PDE8B: variants seen among roughly 807,000 people sequenced by gnomAD.
The protein encoded by PDE8B is phosphodiesterase 8B, also known as high affinity cAMP-specific and IBMX-insensitive 3',5'-cyclic phosphodiesterase 8B.
PDE8B carries 26 observed loss-of-function variants against 101.3 expected under a neutral mutation model. The observed-to-expected ratio is 0.26, with a 90% confidence interval of 0.19 to 0.36. The LOEUF (loss-of-function observed/expected upper bound fraction) is 0.36. Ranked by LOEUF, PDE8B falls within the 10% of genes least tolerant of loss-of-function variation. The pLI is 1.00. For synonymous variants in PDE8B, 424 were observed against 429.3 expected, an observed-to-expected ratio of 0.99 and a Z score of 0.15; for missense variants, 810 against 1,163.1, an observed-to-expected ratio of 0.70 and a Z score of 4.42.
At position 77,402,260 on chromosome 5, in the gene PDE8B, A is replaced by AAT. The variant is rs1031952310; in HGVS notation, c.1210+1982_1210+1983dup. ...ACTATTATTTATAGATAATTGTAAA[A>AAT]ATATATATATATAGAAACTTATATG... On this transcript the variant is annotated intron_variant, in intron 11 of 21. Coordinates refer to ENST00000264917, the MANE Select transcript of PDE8B (RefSeq NM_003719.5). 5.7e-3 allele frequency among the ~76,000 whole-genome samples: 863 copies of AAT among 151,556 alleles called. 10 individuals carry two copies. Among genetic ancestry groups the AAT allele is most frequent in the African/African-American group, 0.018 (741 of 41,428 alleles).
At chr5:77,350,111 G>A (rs1363126550) in intron 8 of PDE8B, among the ~76,000 whole-genome samples, 1 of 152,124 alleles carries the variant, frequency 6.6e-6, no homozygotes, top group Admixed American at 6.5e-5. Context: ...TCCTCCTGTA[G>A]AGCACTGCCT....
the PDE8B span, among the ~76,000 whole-genome samples, chr5:77,094,078 C>T: frequency 2.0e-5 from 3 of 152,064 alleles, no homozygotes; most frequent in Admixed American, 2.0e-4. Context: ...GGCTATGTTA[C>T]CTTCGGAACC....
At chr5:77,158,096 C>T in the PDE8B span, among the ~76,000 whole-genome samples, 4 of 152,192 alleles carry the variant, frequency 2.6e-5, no homozygotes, top group Non-Finnish European at 5.9e-5. Context: ...TGTCCTGGGT[C>T]ATGCAGCTAG....
chr5:77,353,821 A>C (rs1209763661), intron 10 of PDE8B, among the ~76,000 whole-genome samples: 1 of 152,176 alleles, frequency 6.6e-6, no homozygotes, highest in South Asian at 2.1e-4. Context: ...TTACCCTTAC[A>C]TCATACAGAA....
At chr5:77,422,513 GAA>G (rs1796886643) in intron 20 of PDE8B, among the ~76,000 whole-genome samples, 1 of 152,160 alleles carries the variant, frequency 6.6e-6, no homozygotes, top group Admixed American at 6.5e-5. Context: ...AATGGAATAG[GAA>G]AAGACTTTCT....
intron 1 of PDE8B, among the ~76,000 whole-genome samples, chr5:77,273,542 CAAT>C (rs1222173579): frequency 1.3e-5 from 2 of 152,118 alleles, no homozygotes; most frequent in African/African-American, 4.8e-5. Context: ...TTAAACACAA[CAAT>C]GTGAGATGCT....
intron 10 of PDE8B, among the ~76,000 whole-genome samples, chr5:77,393,739 A>G (rs1319032683): frequency 6.6e-6 from 1 of 152,198 alleles, no homozygotes; most frequent in Non-Finnish European, 1.5e-5. Flanking sequence ...CCATTAGACT[A>G]TGCTTGTAAT....
At chr5:77,180,420 C>A in the PDE8B span, 4 of 984,452 alleles carry the variant, frequency 4.1e-6, no homozygotes, top group Non-Finnish European at 4.8e-6. Context: ...ACGGGCACCA[C>A]CAGGGCGCCC....
rs1748090213 is a variant in PDE8B, at chr5:77,210,773, C to T, written c.-153C>T. ...TCCCCGGAGGCTCGGCGGGGGGCAC[C>T]GCGGCCAGCCCGACGGAGCGGCGGA... On this transcript the variant is annotated 5_prime_UTR_variant, in exon 1 of 22. Coordinates refer to ENST00000264917, the MANE Select transcript of PDE8B (RefSeq NM_003719.5). This position sits in a 1 kb window ranked among gnomAD's most constrained non-coding sequence, Gnocchi z 4.9. The T allele has an allele frequency of 2.0e-6, 2 of 982,424 alleles. No homozygotes were observed. Among genetic ancestry groups the T allele is most frequent in the Non-Finnish European group, 2.4e-6 (2 of 829,498 alleles). The allele number at this position is 982,424 out of a possible 1,614,324, so 60.9% of individuals were successfully genotyped here.
At chr5:77,130,062 A>G in the PDE8B span, among the ~76,000 whole-genome samples, 3 of 152,256 alleles carry the variant, frequency 2.0e-5, no homozygotes, top group South Asian at 6.2e-4. Context: ...ACTGCACTCT[A>G]TGCTGATCAG....
chr5:77,385,766 A>G (rs1198743257), intron 10 of PDE8B, among the ~76,000 whole-genome samples: 1 of 137,922 alleles, frequency 7.3e-6, no homozygotes, highest in Non-Finnish European at 1.6e-5. Context: ...TTCAGTTTTC[A>G]TGTAGTTGTG....
intron 10 of PDE8B, among the ~76,000 whole-genome samples, chr5:77,397,757 C>A (rs1262279939): frequency 6.6e-6 from 1 of 152,190 alleles, no homozygotes; most frequent in Admixed American, 6.5e-5. Flanking sequence ...CTTATCCAAA[C>A]ATGCCAAGAA....
chr5:77,352,027 C>T (rs2150459667), intron 9 of PDE8B, among the ~76,000 whole-genome samples: 1 of 152,354 alleles, frequency 6.6e-6, no homozygotes, highest in South Asian at 2.1e-4. Context: ...TGGTTAGTTT[C>T]AAAATTGCTC....
At position 77,349,814 on chromosome 5, in the gene PDE8B, T is replaced by A. The variant is rs1353533111; in HGVS notation, c.1017+255T>A. On this transcript the variant is annotated intron_variant, in intron 8 of 21. Transcript: ENST00000264917. ...ATCCTGTGCATGAATATGTCCCATC[T>A]GCCATTGCTGGAATATCGTGGGTAT... 2.6e-5 allele frequency among the ~76,000 whole-genome samples: 4 copies of A among 152,262 alleles called. 1 individual carries two copies. The highest frequency in any genetic ancestry group is 5.9e-5 in the Non-Finnish European group (4 of 68,034).
chr5:77,282,755 G>T (rs914260257), intron 1 of PDE8B, among the ~76,000 whole-genome samples: 3 of 152,124 alleles, frequency 2.0e-5, no homozygotes, highest in Non-Finnish European at 4.4e-5. Context: ...TCAGGAAAGT[G>T]TGAAATCTAG....
At chr5:77,112,437 C>T in the PDE8B span, 2 of 152,118 alleles carry the variant, frequency 1.3e-5, no homozygotes, top group African/African-American at 4.8e-5. Flanking sequence ...TTTTCTCTTT[C>T]CATTATCTCG....
At chr5:77,173,243 G>C in the PDE8B span, among the ~76,000 whole-genome samples, 7 of 152,194 alleles carry the variant, frequency 4.6e-5, no homozygotes, top group Admixed American at 4.6e-4. Context: ...TGGAGGATTA[G>C]TACTATTTAT....
At chr5:77,180,314 G>T in the PDE8B span, 1 of 403,570 alleles carries the variant, frequency 2.5e-6, no homozygotes, top group Non-Finnish European at 3.4e-6. Flanking sequence ...AGAGTCCCAC[G>T]GAGCAACCAG....
chr5:77,222,268 A>G (rs1751272806), intron 1 of PDE8B, among the ~76,000 whole-genome samples: 1 of 152,122 alleles, frequency 6.6e-6, no homozygotes, highest in Admixed American at 6.6e-5. Flanking sequence ...GTTCTCAAGT[A>G]CGTGTGTGTG....
Sources: allele counts gnomAD v4.1 joint callset (sites outside exome capture counted in the v4.1 genomes callset), GRCh38; gene constraint gnomAD v4.1.1; non-coding constraint Gnocchi (gnomAD v3.1); transcripts MANE v1.5; gene names NCBI Gene and HGNC (gene_info 2026-07-23, HGNC 2026-07-21).